Variants in PANX1 observed in about 807,000 individuals in gnomAD.
PANX1 encodes the protein pannexin-1.
Under a neutral mutation model 38.7 loss-of-function variants are expected in PANX1, and 30 were observed. The ratio of observed to expected loss-of-function variants is 0.78; its 90% confidence interval spans 0.58 to 1.05. The LOEUF (loss-of-function observed/expected upper bound fraction) is 1.05, where lower values mean the gene tolerates loss of function less well. PANX1 is among the 50% of genes least tolerant of loss of function. The pLI is 0.00. For synonymous variants in PANX1, 230 were observed against 212.2 expected, an observed-to-expected ratio of 1.08 and a Z score of -0.73; for missense variants, 551 against 517.2, an observed-to-expected ratio of 1.07 and a Z score of -0.63.
intron 2 of PANX1, among the ~76,000 whole-genome samples, chr11:94,168,836 A>G (rs1947131708): frequency 1.3e-5 from 2 of 151,610 alleles, no homozygotes; most frequent in Admixed American, 1.3e-4. Context: ...CATCTTTTCT[A>G]AGACTCAGGG....
intron 1 of PANX1, among the ~76,000 whole-genome samples, chr11:94,148,217 T>C (rs1946848983): frequency 6.6e-6 from 1 of 152,204 alleles, no homozygotes; most frequent in South Asian, 2.1e-4. Context: ...CCAGAATATA[T>C]TTAATTTCAT....
At chr11:94,150,786 T>C (rs1946875140) in intron 1 of PANX1, among the ~76,000 whole-genome samples, 1 of 152,208 alleles carries the variant, frequency 6.6e-6, no homozygotes, top group Non-Finnish European at 1.5e-5. Context: ...TGGGGATTGA[T>C]GTGTTTCTTT....
intron 2 of PANX1, among the ~76,000 whole-genome samples, chr11:94,172,102 G>C (rs1947176871): frequency 6.6e-6 from 1 of 151,652 alleles, no homozygotes. Flanking sequence ...TTGGTTGGAG[G>C]AATCCTCTGA....
At chr11:94,180,362 T>A (rs1947291817) in intron 4 of PANX1, 105 bp downstream of exon 4, 21 of 1,027,580 alleles carry the variant, frequency 2.0e-5, no homozygotes, top group Non-Finnish European at 3.0e-5. Context: ...TTAAACCATT[T>A]CCAAGCATTA....
intron 2 of PANX1, among the ~76,000 whole-genome samples, chr11:94,157,264 G>T (rs1946961822): frequency 6.6e-6 from 1 of 152,062 alleles, no homozygotes; most frequent in African/African-American, 2.4e-5. Context: ...GGCTGGGATG[G>T]CTGGGTCAAA....
intron 2 of PANX1, among the ~76,000 whole-genome samples, chr11:94,174,113 A>G (rs559773731): frequency 5.3e-5 from 8 of 151,536 alleles, no homozygotes; most frequent in African/African-American, 9.8e-5. Context: ...TGGCCTTCTG[A>G]TAAGGACACA....
chr11:94,174,659 A>G (rs563681174), intron 2 of PANX1, among the ~76,000 whole-genome samples: 2 of 151,720 alleles, frequency 1.3e-5, no homozygotes, highest in East Asian at 3.9e-4. Context: ...GGGGCCGTGC[A>G]TCCAGCCCAC....
At chr11:94,146,005 C>A (rs1591509799) in intron 1 of PANX1, among the ~76,000 whole-genome samples, 1 of 152,246 alleles carries the variant, frequency 6.6e-6, no homozygotes, top group East Asian at 1.9e-4. Context: ...ACATCGAGCA[C>A]CCAAATAATG....
At chr11:94,134,793 C>T (rs1036897251) in intron 1 of PANX1, among the ~76,000 whole-genome samples, 17 of 152,138 alleles carry the variant, frequency 1.1e-4, no homozygotes, top group Non-Finnish European at 2.4e-4. Flanking sequence ...AGGGGGCCAT[C>T]TGCAAACTAG....
At chr11:94,173,265 A>G (rs1947188964) in intron 2 of PANX1, among the ~76,000 whole-genome samples, 1 of 151,644 alleles carries the variant, frequency 6.6e-6, no homozygotes, top group South Asian at 2.1e-4. Flanking sequence ...ATAGGGTCTC[A>G]GGCCTGTTCG....
rs1325120591 is a variant in PANX1, at chr11:94,181,487, G to A, written c.*618G>A. ...CCGTAACCACTATTTGTTGCACTGT[G>A]CCTTGAAGGGCAGCAGGCCCAAGTG... On this transcript the variant is annotated 3_prime_UTR_variant, in exon 5 of 5. Transcript: ENST00000227638. The A allele has an allele frequency of 6.6e-6, 1 of 152,358 alleles. No individual in the cohort carries two copies. The highest frequency in any genetic ancestry group is 1.5e-5 in the Non-Finnish European group (1 of 68,164). 9.4% of individuals were successfully genotyped at this position (152,358 alleles called of 1,614,324 possible). A position where few individuals can be genotyped will look rare whatever the true frequency, so the allele number is the denominator to read the frequency against.
At chr11:94,133,082 C>G (rs77785352) in intron 1 of PANX1, among the ~76,000 whole-genome samples, 1,943 of 152,336 alleles carry the variant, frequency 0.013, 36 homozygotes, top group African/African-American at 0.044. Flanking sequence ...CTGCCTGGGC[C>G]ACAGAGACCC....
intron 2 of PANX1, among the ~76,000 whole-genome samples, chr11:94,162,315 A>G (rs1033405730): frequency 6.6e-6 from 1 of 152,176 alleles, no homozygotes; most frequent in Non-Finnish European, 1.5e-5. Context: ...CTGTCCCCAG[A>G]GGTGGAGTCT....
At chr11:94,167,025 G>A (rs890567677) in intron 2 of PANX1, among the ~76,000 whole-genome samples, 1 of 152,186 alleles carries the variant, frequency 6.6e-6, no homozygotes, top group Non-Finnish European at 1.5e-5. Flanking sequence ...GCCAGCAGGA[G>A]TCACTTTTCT....
intron 2 of PANX1, among the ~76,000 whole-genome samples, chr11:94,155,625 G>A (rs529750851): frequency 1.5e-4 from 23 of 152,238 alleles, no homozygotes; most frequent in Admixed American, 1.4e-3. Flanking sequence ...CTTCATCCTC[G>A]TTGTCTTTAT....
At chr11:94,173,011 G>A (rs1177244076) in intron 2 of PANX1, among the ~76,000 whole-genome samples, 2 of 151,732 alleles carry the variant, frequency 1.3e-5, no homozygotes, top group Non-Finnish European at 2.9e-5. Flanking sequence ...TCTGCCTTCT[G>A]TAAGCTTCTC....
chr11:94,133,274 G>T (rs928259107), intron 1 of PANX1, among the ~76,000 whole-genome samples: 1 of 152,240 alleles, frequency 6.6e-6, no homozygotes, highest in Non-Finnish European at 1.5e-5. Context: ...GTTGGGGACA[G>T]AGAGCAGAAG....
intron 1 of PANX1, among the ~76,000 whole-genome samples, chr11:94,149,154 AT>A (rs1412565647): frequency 1.3e-5 from 2 of 152,198 alleles, no homozygotes; most frequent in Admixed American, 6.5e-5. Context: ...GAACAAAAAA[AT>A]GGGGGGCGTA....
chr11:94,140,297 T>C (rs981401954), intron 1 of PANX1, among the ~76,000 whole-genome samples: 3 of 152,246 alleles, frequency 2.0e-5, no homozygotes, highest in African/African-American at 7.2e-5. Flanking sequence ...AATTTTAATT[T>C]GCCAAATGTC....
Sources: gnomAD v4.1 joint callset for allele counts (sites outside exome capture counted in the v4.1 genomes callset) on GRCh38, gnomAD v4.1.1 for gene constraint, MANE v1.5 for transcripts, NCBI Gene and HGNC (gene_info 2026-07-23, HGNC 2026-07-21) for gene names.